Variants in ROS1 observed in about 807,000 individuals in gnomAD.
ROS1 encodes ROS proto-oncogene 1, receptor tyrosine kinase, also known as proto-oncogene tyrosine-protein kinase ROS.
In ROS1, 263 loss-of-function variants were observed where a neutral mutation model predicts 273.5. The observed-to-expected ratio is 0.96, with a 90% CI of 0.87 to 1.06. The LOEUF (loss-of-function observed/expected upper bound fraction) is 1.06, where lower values mean the gene tolerates loss of function less well. Ranked by LOEUF, ROS1 falls within the 50% of genes least tolerant of loss-of-function variation. The pLI is 0.00. For missense variants in ROS1, 2,833 were observed against 2,751.1 expected (o/e 1.03, Z -0.67); for synonymous variants, 1,008 against 954.1 (o/e 1.06, Z -1.04).
intron 14 of ROS1, 77 bp downstream of exon 14, chr6:117,387,703 G>C: frequency 6.8e-7 from 1 of 1,479,622 alleles, no homozygotes; most frequent in South Asian, 1.3e-5. Context: ...TTAAACCCAA[G>C]GCAAGGAAAT....
Position 117,409,646 on chromosome 6 carries a change from T to G in ROS1, c.256-4A>C. 6.2e-7 allele frequency: 1 copy of G among 1,613,622 alleles called. No homozygotes were observed. Among genetic ancestry groups the G allele is most frequent in the Non-Finnish European group, 8.5e-7 (1 of 1,179,576 alleles). ...AGCCAACCTCACACGACTCCCGCTGTGGAAGACAGGGAGCATGACAGTCAG... is the reference window on the plus strand; with the variant it reads ...AGCCAACCTCACACGACTCCCGCTGGGGAAGACAGGGAGCATGACAGTCAG... On this transcript the variant is annotated splice_polypyrimidine_tract_variant and splice_region_variant and intron_variant, in intron 4 of 43. Transcript: ENST00000368507.
intron 43 of ROS1, among the ~76,000 whole-genome samples, chr6:117,298,711 C>T (rs1157320419): frequency 6.6e-6 from 1 of 152,168 alleles, no homozygotes; most frequent in Non-Finnish European, 1.5e-5. Context: ...TACTACTAAA[C>T]TTGGCAAACA....
intron 7 of ROS1, among the ~76,000 whole-genome samples, chr6:117,402,776 T>C (rs1208550136): frequency 1.3e-5 from 2 of 151,206 alleles, no homozygotes; most frequent in Non-Finnish European, 2.9e-5. Context: ...GAGTCCCAGC[T>C]GCTTGGAAGG....
chr6:117,367,257 T>C (rs921014032), intron 18 of ROS1, among the ~76,000 whole-genome samples: 1 of 152,116 alleles, frequency 6.6e-6, no homozygotes, highest in Non-Finnish European at 1.5e-5. Flanking sequence ...CAGGTACATG[T>C]TCCTTTAAAA....
intron 43 of ROS1, among the ~76,000 whole-genome samples, chr6:117,295,713 C>T (rs976069684): frequency 2.6e-5 from 4 of 152,062 alleles, no homozygotes; most frequent in African/African-American, 9.7e-5. Context: ...AAAAGAAATA[C>T]AAATGGCAAA....
chr6:117,360,495 T>C, intron 22 of ROS1, 90 bp from the exon 23 acceptor site: 1 of 824,958 alleles, frequency 1.2e-6, no homozygotes, highest in Middle Eastern at 2.3e-4. Context: ...AATGTTTCAT[T>C]TCATACTCCT....
chr6:117,415,784 C>T (rs556537434), intron 3 of ROS1, among the ~76,000 whole-genome samples: 3 of 152,246 alleles, frequency 2.0e-5, no homozygotes, highest in East Asian at 1.9e-4. Flanking sequence ...ACATGACCTA[C>T]GGCCCTGGTA....
intron 17 of ROS1, among the ~76,000 whole-genome samples, chr6:117,381,809 A>G (rs567085092): frequency 1.3e-5 from 2 of 152,280 alleles, no homozygotes; most frequent in East Asian, 3.9e-4. Flanking sequence ...TTAGTTCTTT[A>G]AGAAATCTCT....
At chr6:117,303,193 A>G (rs1289018604) in intron 42 of ROS1, among the ~76,000 whole-genome samples, 2 of 152,174 alleles carry the variant, frequency 1.3e-5, no homozygotes, top group African/African-American at 4.8e-5. Flanking sequence ...TTCTGGAGCT[A>G]TATGGCAGAT....
At position 117,288,814 on chromosome 6, in the gene ROS1, A is replaced by G. The variant is rs762236279; in HGVS notation, c.6716-12T>C. The G allele has an allele frequency of 6.4e-6, 10 of 1,571,398 alleles. No individual in the cohort carries two copies. Among genetic ancestry groups the G allele is most frequent in the Non-Finnish European group, 7.8e-6 (9 of 1,160,232 alleles). On this transcript the variant is annotated splice_polypyrimidine_tract_variant and intron_variant, in intron 43 of 43. Coordinates refer to ENST00000368507, the MANE Select transcript of ROS1 (RefSeq NM_001378902.1). ...ATCGCCATCTTCACCTGTGAAAAAA[A>G]TATGAATGTTATTCTAGCATGTATT...
chr6:117,375,083 G>A (rs2128677683), intron 18 of ROS1, among the ~76,000 whole-genome samples: 1 of 152,078 alleles, frequency 6.6e-6, no homozygotes, highest in Non-Finnish European at 1.5e-5. Flanking sequence ...AAGAAAATGT[G>A]GTGTATATAT....
At chr6:117,289,353 T>G (rs376276321) in intron 43 of ROS1, among the ~76,000 whole-genome samples, 1 of 152,240 alleles carries the variant, frequency 6.6e-6, no homozygotes, top group African/African-American at 2.4e-5. Flanking sequence ...TAGCAATGAA[T>G]GAAAAACATT....
intron 35 of ROS1, among the ~76,000 whole-genome samples, chr6:117,322,075 TGGACTATTGGCTCAGAAGTTGA>T (rs1776328244): frequency 6.6e-6 from 1 of 152,114 alleles, no homozygotes; most frequent in African/African-American, 2.4e-5. Flanking sequence ...TCATCTGTAC[TGGACTATTGGCTCAGAAGTTGA>T]AAGCAGCAAG....
intron 43 of ROS1, among the ~76,000 whole-genome samples, chr6:117,300,086 CTTTTTTTTTT>C (rs10700318): frequency 2.2e-4 from 7 of 31,842 alleles, no homozygotes; most frequent in Admixed American, 5.5e-4. Flanking sequence ...CCAGGACAGG[CTTTTTTTTTT>C]TTTTTTTTTT....
At chr6:117,308,709 T>C in intron 42 of ROS1, 85 bp downstream of exon 42, 1 of 1,359,816 alleles carries the variant, frequency 7.4e-7, no homozygotes, top group Non-Finnish European at 1.0e-6. Flanking sequence ...ATTTTAACAA[T>C]TTAACAAACT....
intron 40 of ROS1, 140 bp downstream of exon 40, chr6:117,310,880 T>G (rs1307655617): frequency 3.5e-6 from 2 of 577,434 alleles, no homozygotes; most frequent in Admixed American, 3.5e-5. Context: ...GTAGAATGAT[T>G]TATAAGAGAG....
chr6:117,320,786 G>A (rs1167655002), intron 36 of ROS1, among the ~76,000 whole-genome samples: 1 of 152,024 alleles, frequency 6.6e-6, no homozygotes, highest in Non-Finnish European at 1.5e-5. Context: ...TAAGACACTT[G>A]AATATTTTCC....
chr6:117,424,209 T>C (rs1185728456), intron 1 of ROS1, among the ~76,000 whole-genome samples: 2 of 151,978 alleles, frequency 1.3e-5, no homozygotes, highest in Admixed American at 6.6e-5. Flanking sequence ...CTAAAGATAA[T>C]AAAGATTCTG....
At chr6:117,348,416 G>C (rs1316157563) in intron 27 of ROS1, among the ~76,000 whole-genome samples, 1 of 151,910 alleles carries the variant, frequency 6.6e-6, no homozygotes, top group East Asian at 1.9e-4. Flanking sequence ...ATCTCCATGG[G>C]TTCTACAGAG....
Sources: allele counts gnomAD v4.1 joint callset (sites outside exome capture counted in the v4.1 genomes callset), GRCh38; gene constraint gnomAD v4.1.1; transcripts MANE v1.5; gene names NCBI Gene and HGNC (gene_info 2026-07-23, HGNC 2026-07-21).